CALN1: variants seen among roughly 807,000 people sequenced by gnomAD.
CALN1 encodes calcium-binding protein 8.
Under a neutral mutation model 30.6 loss-of-function variants are expected in CALN1, and 17 were observed. The ratio of observed to expected loss-of-function variants is 0.56; its 90% CI spans 0.38 to 0.83. The LOEUF is 0.83. CALN1 is among the 40% of genes least tolerant of loss of function. The pLI is 0.00. For synonymous variants in CALN1, 156 were observed against 131.4 expected (o/e 1.19, Z -1.28); for missense variants, 291 against 354.9 (o/e 0.82, Z 1.45).
intron 5 of CALN1, among the ~76,000 whole-genome samples, chr7:71,896,027 A>G (rs1000748818): frequency 9.9e-5 from 15 of 152,224 alleles, no homozygotes; most frequent in Non-Finnish European, 1.5e-5. Context: ...GCTCCCTAAA[A>G]TAGGAGTGGG....
chr7:72,126,639 C>G (rs550833277), intron 3 of CALN1, among the ~76,000 whole-genome samples: 1 of 151,894 alleles, frequency 6.6e-6, no homozygotes, highest in Non-Finnish European at 1.5e-5. Context: ...TCCCCAAAGT[C>G]CATTATATCA....
At chr7:72,415,590 T>C (rs923780211), upstream of CALN1, among the ~76,000 whole-genome samples, 5 of 152,158 alleles carry the variant, frequency 3.3e-5, no homozygotes, top group Non-Finnish European at 1.5e-5. Flanking sequence ...AACACACAAG[T>C]AACACAAGAA....
rs183961713 is a variant in CALN1 at position 72,407,467 on chromosome 7, T to A, written c.-73-4025A>T. ...TTTTCCCACTTTCATGCTGTTCTTG[T>A]GATACAGTTCTCATGAGATCTGGTT... On this transcript the variant is annotated intron_variant, in intron 1 of 6. Transcript: ENST00000395275. 1.1e-4 allele frequency among the ~76,000 whole-genome samples: 17 copies of A among 152,302 alleles called. No individual in the cohort carries two copies. The East Asian group carries it at 3.3e-3, about 29-fold the overall frequency.
chr7:71,955,245 A>G (rs140139099), intron 5 of CALN1, among the ~76,000 whole-genome samples: 100 of 152,276 alleles, frequency 6.6e-4, no homozygotes, highest in Non-Finnish European at 1.3e-3. Flanking sequence ...CCACGAGAAC[A>G]GTATGGAAGA....
At chr7:72,162,937 A>C (rs1487104389) in intron 3 of CALN1, among the ~76,000 whole-genome samples, 1 of 152,212 alleles carries the variant, frequency 6.6e-6, no homozygotes, top group African/African-American at 2.4e-5. Flanking sequence ...CAGAAAGGAG[A>C]GAGCTGCACA....
intron 5 of CALN1, among the ~76,000 whole-genome samples, chr7:71,880,605 T>C (rs532937114): frequency 6.6e-6 from 1 of 152,310 alleles, no homozygotes; most frequent in East Asian, 1.9e-4. Context: ...GACTTTTATA[T>C]ACAACTGCTT....
At chr7:72,371,423 C>G (rs1804235441) in intron 2 of CALN1, among the ~76,000 whole-genome samples, 1 of 152,146 alleles carries the variant, frequency 6.6e-6, no homozygotes, top group Non-Finnish European at 1.5e-5. Flanking sequence ...TACCCTCATG[C>G]TGTTCCCATG....
chr7:72,115,668 T>C lies in CALN1; in HGVS notation c.245-9374A>G, dbSNP rs147583395. The stretch of plus-strand genomic sequence containing the variant: ...CAGACCTGGCTAATTTTTGTATTTT[T>C]AGTAGAGCCGGGTTTCGCCACGTTG... On this transcript the variant is annotated intron_variant, in intron 3 of 6. Coordinates refer to ENST00000395275, the MANE Select transcript of CALN1 (RefSeq NM_031468.4). 6.6e-3 allele frequency among the ~76,000 whole-genome samples: 1,009 copies of C among 151,896 alleles called. 12 individuals are homozygous for C. The highest frequency in any genetic ancestry group is 0.023 in the African/African-American group (966 of 41,404).
At chr7:72,296,439 T>C (rs1192998732) in intron 2 of CALN1, among the ~76,000 whole-genome samples, 2 of 151,020 alleles carry the variant, frequency 1.3e-5, no homozygotes, top group East Asian at 3.9e-4. Flanking sequence ...GAAGGAATGG[T>C]ACCAGTTCCT....
chr7:72,233,001 C>G (rs1221071445), intron 3 of CALN1, among the ~76,000 whole-genome samples: 1 of 151,580 alleles, frequency 6.6e-6, no homozygotes, highest in Non-Finnish European at 1.5e-5. Flanking sequence ...GTTTCCATAA[C>G]ATGGAAACAC....
intron 6 of CALN1, among the ~76,000 whole-genome samples, chr7:71,798,854 G>C (rs1787127333): frequency 6.6e-6 from 1 of 151,862 alleles, no homozygotes; most frequent in Admixed American, 6.6e-5. Context: ...TCCAACTCCT[G>C]ACCTCGTGAT....
intron 2 of CALN1, among the ~76,000 whole-genome samples, chr7:72,325,952 A>G (rs1562889004): frequency 6.6e-6 from 1 of 152,160 alleles, no homozygotes; most frequent in Non-Finnish European, 1.5e-5. Context: ...CCCAGGCTGG[A>G]ATGCAGTGGC....
In CALN1 at chr7:71,848,838, G is replaced by C. The variant is rs1790472925; in HGVS notation, c.502-38346C>G. Among the ~76,000 whole-genome samples, 5 of 152,210 alleles carry C rather than the reference G, an allele frequency of 3.3e-5. 1 individual carries two copies. Among genetic ancestry groups the C allele is most frequent in the Admixed American group, 2.0e-4 (3 of 15,296 alleles). On this transcript the variant is annotated intron_variant, in intron 5 of 6. Transcript: ENST00000395275. ...AGGTTACAGAAAACAAACTTGGAAA[G>C]CTCATCAGTCAACTATTCAGTTTAC...
intron 5 of CALN1, among the ~76,000 whole-genome samples, chr7:71,970,793 C>T (rs936077368): frequency 4.6e-5 from 7 of 152,126 alleles, no homozygotes; most frequent in Admixed American, 2.6e-4. Context: ...ACCATCCCAG[C>T]GTTTTCCTAT....
At chr7:72,336,729 C>T (rs564140395) in intron 2 of CALN1, 3 of 985,228 alleles carry the variant, frequency 3.0e-6, no homozygotes, top group African/African-American at 3.5e-5. Flanking sequence ...GGCTCCGCAG[C>T]CCGGCAGCCG....
At chr7:72,022,854 A>C (rs1800781643) in intron 5 of CALN1, among the ~76,000 whole-genome samples, 1 of 151,916 alleles carries the variant, frequency 6.6e-6, no homozygotes, top group African/African-American at 2.4e-5. Context: ...CACCAACTGC[A>C]ACCCTTATCT....
chr7:72,459,052 C>A, the CALN1 span, among the ~76,000 whole-genome samples: 1 of 150,500 alleles, frequency 6.6e-6, no homozygotes, highest in Non-Finnish European at 1.5e-5. Context: ...GCTGCAATTA[C>A]AGGCATGTGC....
the CALN1 span, among the ~76,000 whole-genome samples, chr7:72,481,015 C>T: frequency 2.6e-5 from 4 of 152,154 alleles, no homozygotes; most frequent in South Asian, 4.1e-4. Flanking sequence ...TACAATGGTG[C>T]GATCTCGGCT....
At chr7:72,337,335 C>A in intron 2 of CALN1, 3 of 971,214 alleles carry the variant, frequency 3.1e-6, no homozygotes, top group Non-Finnish European at 3.7e-6. Context: ...CCCCCACCCC[C>A]CAACCTCCGC....
Sources: gnomAD v4.1 joint callset for allele counts (sites outside exome capture counted in the v4.1 genomes callset) on GRCh38, gnomAD v4.1.1 for gene constraint, MANE v1.5 for transcripts, NCBI Gene and HGNC (gene_info 2026-07-23, HGNC 2026-07-21) for gene names.